The following NOTCH2 variants were observed in gnomAD, a reference collection of about 807,000 sequenced individuals.
The protein encoded by NOTCH2 is notch receptor 2.
NOTCH2 carries 29 observed loss-of-function variants against 235.8 expected under a neutral mutation model. The observed-to-expected ratio is 0.12, with a 90% CI of 0.09 to 0.17. The LOEUF is 0.17. Among genes scored for constraint, NOTCH2 ranks in the 10% least tolerant of loss-of-function variants. The probability of loss-of-function intolerance (pLI) is 1.00; values close to 1 mark genes in which losing one functional copy is unlikely to be tolerated. For missense variants in NOTCH2, 2,285 were observed against 3,150.2 expected, an observed-to-expected ratio of 0.73 and a Z score of 6.57; for synonymous variants, 1,086 against 1,141.5, an observed-to-expected ratio of 0.95 and a Z score of 0.98.
In NOTCH2 at chr1:120,005,405, T is replaced by G; in HGVS notation, c.339A>C (p.Arg113=). ...YSTSHPCFVS[R]PCLNGGTCHM... is the part of the protein sequence containing the mutation. The stretch of plus-strand genomic sequence containing the variant: ...GGCATGTGCCGCCATTCAGGCAGGG[T>G]CGAGACACAAAGCATGGATGAGATG... Residue 113 remains arginine, a synonymous_variant, in exon 3 of 34, where the codon CGA becomes CGC. Transcript: ENST00000256646. The G allele has an allele frequency of 6.2e-7, 1 of 1,613,930 alleles. No individual in the cohort carries two copies. Among genetic ancestry groups the G allele is most frequent in the Non-Finnish European group, 8.5e-7 (1 of 1,179,860 alleles).
chr1:119,927,932 G>A (rs1357871211), intron 23 of NOTCH2, among the ~76,000 whole-genome samples: 4 of 152,124 alleles, frequency 2.6e-5, no homozygotes, highest in African/African-American at 9.7e-5. Flanking sequence ...AAGATGGCTG[G>A]AGATGGGCTC....
At position 119,919,578 on chromosome 1, in the gene NOTCH2, C is replaced by T. The variant is rs1322185580; in HGVS notation, c.5515G>A (p.Gly1839Arg). Residue 1839 changes from glycine (G) to arginine (R), a missense_variant, in exon 31 of 34, where the codon GGA (glycine) becomes AGA (arginine). Coordinates refer to ENST00000256646, the MANE Select transcript of NOTCH2 (RefSeq NM_024408.4). The part of the protein sequence containing the change: ...CTPLMLASLR[G>R]GSSDLSDEDE... ...TCATCACTCAAATCTGAGCTGCCTC[C>T]TCGGAGAGAAGCCAACATCAATGGG... 6.2e-7 allele frequency: 1 copy of T among 1,614,176 alleles called. No individual in the cohort carries two copies. Among genetic ancestry groups the T allele is most frequent in the Admixed American group, 1.7e-5 (1 of 60,028 alleles).
rs886044556 is a variant in NOTCH2, at chr1:119,920,379, G to A, written c.5329C>T (p.Leu1777Phe). ...KKVKAEDEALLSEEDDPIDRR... is the reference protein window; with the variant it reads ...KKVKAEDEALFSEEDDPIDRR... ...TCAATGGGGTCATCTTCTTCTGAGA[G>A]TAAGGCCTCATCTTCAGCCTGAAAG... The change falls in exon 30 of 34, where the codon CTC becomes TTC. Residue 1777 changes from leucine to phenylalanine, a missense_variant. By Grantham distance (22) the Leu-to-Phe change is conservative (BLOSUM62 0). This residue lies in a region of NOTCH2 where 1,173 missense variants were observed against 1,515.3 expected (regional missense o/e 0.77). Transcript: ENST00000256646. 3 of 1,614,082 alleles carry A rather than the reference G, an allele frequency of 1.9e-6. No homozygotes were observed. Among genetic ancestry groups the A allele is most frequent in the Non-Finnish European group, 2.5e-6 (3 of 1,180,046 alleles).
chr1:120,014,439 A>T (rs1252076324), intron 2 of NOTCH2, among the ~76,000 whole-genome samples: 2 of 151,834 alleles, frequency 1.3e-5, no homozygotes, highest in Non-Finnish European at 2.9e-5. Context: ...TGACATTGAG[A>T]GGTCCACATT....
chr1:119,931,450 A>G (rs1040985478), intron 22 of NOTCH2, among the ~76,000 whole-genome samples: 2 of 152,150 alleles, frequency 1.3e-5, no homozygotes, highest in African/African-American at 4.8e-5. Context: ...CCCACTAAAA[A>G]TTATCAACAG....
At position 120,005,453 on chromosome 1, in the gene NOTCH2, T is replaced by C; in HGVS notation, c.291A>G (p.Thr97=). ...KATCRCASGF[T]GEDCQYSTSH... Reference sequence around the variant, plus strand: ...ATGTTGAGTACTGGCAGTCCTCTCCTGTAAACCCTGAGGCACATCGGCACG... The same window carrying C: ...ATGTTGAGTACTGGCAGTCCTCTCCCGTAAACCCTGAGGCACATCGGCACG... Residue 97 remains threonine (T), a synonymous_variant, in exon 3 of 34, where the codon ACA becomes ACG. Coordinates refer to ENST00000256646, the MANE Select transcript of NOTCH2 (RefSeq NM_024408.4). The C allele has an allele frequency of 2.5e-6, 4 of 1,613,908 alleles. No individual in the cohort carries two copies. The highest frequency in any genetic ancestry group is 3.4e-6 in the Non-Finnish European group (4 of 1,179,850).
chr1:119,925,871 T>C (rs1649456879), intron 24 of NOTCH2, 61 bp from the exon 25 acceptor site: 4 of 1,594,804 alleles, frequency 2.5e-6, no homozygotes, highest in African/African-American at 2.7e-5. Flanking sequence ...TATTGGAAGT[T>C]TGAGGTTTCT....
At chr1:119,998,170 G>A (rs1328271920) in intron 3 of NOTCH2, among the ~76,000 whole-genome samples, 1 of 143,176 alleles carries the variant, frequency 7.0e-6, no homozygotes, top group Non-Finnish European at 1.5e-5. Context: ...GCAGGGTTGG[G>A]TCTCCATGGT....
intron 1 of NOTCH2, among the ~76,000 whole-genome samples, chr1:120,037,151 C>T (rs1654337496): frequency 6.6e-6 from 1 of 152,146 alleles, no homozygotes; most frequent in Non-Finnish European, 1.5e-5. Flanking sequence ...AGTGTGGTAT[C>T]TGTGCTTAGA....
chr1:119,999,919 GAAAGAA>G (rs1652652302), intron 3 of NOTCH2, among the ~76,000 whole-genome samples: 1 of 51,874 alleles, frequency 1.9e-5, no homozygotes, highest in Non-Finnish European at 4.5e-5. Context: ...GAAAGAGAGA[GAAAGAA>G]AGAAAGAAAG....
chr1:119,959,355 G>T, intron 12 of NOTCH2, 37 bp downstream of exon 12: 1 of 1,076,538 alleles, frequency 9.3e-7, no homozygotes, highest in Non-Finnish European at 1.5e-6. Context: ...AAAGTGATAG[G>T]GCTGAAGGAG....
chr1:119,930,841 G>A (rs990998633), intron 22 of NOTCH2, among the ~76,000 whole-genome samples: 1 of 151,538 alleles, frequency 6.6e-6, no homozygotes, highest in Non-Finnish European at 1.5e-5. Context: ...GCTCAAGCCT[G>A]TAATCCCAGC....
chr1:119,928,233 G>T (rs1423892978), intron 23 of NOTCH2, among the ~76,000 whole-genome samples: 4 of 152,210 alleles, frequency 2.6e-5, no homozygotes, highest in Non-Finnish European at 5.9e-5. Context: ...TGTGATGAAA[G>T]AAAGAAGCTT....
Position 119,955,081 on chromosome 1 carries a change from G to A in NOTCH2, c.2178C>T (p.Ser726=), listed in dbSNP as rs2101124414. The A allele has an allele frequency of 1.2e-6, 2 of 1,614,104 alleles. No individual in the cohort carries two copies. Among genetic ancestry groups the A allele is most frequent in the Non-Finnish European group, 1.7e-6 (2 of 1,179,998 alleles). ...SCYSQVNECL[S]NPCIHGNCTG... ...TACAGTTTCCATGGATGCAGGGATT[G>A]CTCAGGCATTCGTTCACCTGTGAGT... Residue 726 remains serine (S), a synonymous_variant, in exon 13 of 34, where the codon AGC becomes AGT. Transcript: ENST00000256646.
At chr1:119,939,142 A>G (rs1306929743) in intron 19 of NOTCH2, among the ~76,000 whole-genome samples, 2 of 152,160 alleles carry the variant, frequency 1.3e-5, no homozygotes, top group Non-Finnish European at 2.9e-5. Context: ...CCACACAGAC[A>G]TGGGGAGAAC....
chr1:120,001,702 T>G lies in NOTCH2; in HGVS notation c.415+3627A>C, dbSNP rs1243393485. On this transcript the variant is annotated intron_variant, in intron 3 of 33. Coordinates refer to ENST00000256646, the MANE Select transcript of NOTCH2 (RefSeq NM_024408.4). ...ATAGACACTTACTCTGGATATGGGT[T>G]TGCCTATCCTGCATGCAATGGTTCT... Among the ~76,000 whole-genome samples the G allele has an allele frequency of 3.3e-5, 5 of 152,314 alleles. No homozygotes were observed. The South Asian group carries it at 8.3e-4, about 25-fold the overall frequency.
intron 2 of NOTCH2, among the ~76,000 whole-genome samples, chr1:120,027,790 T>C (rs1653924904): frequency 6.6e-6 from 1 of 150,662 alleles, no homozygotes; most frequent in Admixed American, 6.6e-5. Context: ...TCCATGTCCC[T>C]GCAAAGGACA....
Position 119,963,630 on chromosome 1 carries a change from C to G in NOTCH2, c.1859G>C (p.Gly620Ala). The G allele has an allele frequency of 6.2e-7, 1 of 1,614,164 alleles. No homozygotes were observed. Among genetic ancestry groups the G allele is most frequent in the Non-Finnish European group, 8.5e-7 (1 of 1,180,002 alleles). Residue 620 changes from glycine to alanine, a missense_variant, in exon 11 of 34, where the codon GGT (glycine) becomes GCT (alanine). Physicochemically the swap from Gly to Ala is moderately conservative, Grantham distance 60. Around this residue, in one of 6 missense-constraint regions of NOTCH2, gnomAD observed 431 missense variants for 757.8 expected, o/e 0.57. Transcript: ENST00000256646. ...GCCATTGACCAGGTCAATGCAGCGA[C>G]CATCGTTCAGGCAAGGGCTGCTGTA... is the stretch of plus-strand genomic sequence containing the variant. ...ECYSSPCLNDGRCIDLVNGYQ... is the reference protein window; with the variant it reads ...ECYSSPCLNDARCIDLVNGYQ...
chr1:119,912,974 G>C lies in NOTCH2; in HGVS notation c.*2332C>G, dbSNP rs1184056116. On this transcript the variant is annotated 3_prime_UTR_variant, in exon 34 of 34. Coordinates refer to ENST00000256646, the MANE Select transcript of NOTCH2 (RefSeq NM_024408.4). The stretch of plus-strand genomic sequence containing the variant: ...AATTTGGTCTGACATTGTGCTTAAG[G>C]AAAAGGGAGGATATAAAATATCCAG... The C allele has an allele frequency of 4.3e-6, 1 of 233,400 alleles. No individual in the cohort carries two copies. The highest frequency in any genetic ancestry group is 8.5e-6 in the Non-Finnish European group (1 of 117,998). 14.5% of individuals were successfully genotyped at this position (233,400 alleles called of 1,614,324 possible).
Sources: gnomAD v4.1 joint callset for allele counts (sites outside exome capture counted in the v4.1 genomes callset) on GRCh38, gnomAD v4.1.1 for gene constraint, gnomAD v4.1.1 regional missense constraint, MANE v1.5 for transcripts, NCBI Gene and HGNC (gene_info 2026-07-23, HGNC 2026-07-21) for gene names.